The following PWWP2A variants were observed in gnomAD, a reference collection of about 807,000 sequenced individuals.
PWWP2A encodes PWWP domain containing 2A, also known as PWWP domain-containing protein 2A.
A neutral mutation model predicts 48.5 loss-of-function variants in PWWP2A; 18 were observed. The ratio of observed to expected loss-of-function variants is 0.37; its 90% CI spans 0.26 to 0.55. PWWP2A has a LOEUF of 0.55. Among genes scored for constraint, PWWP2A ranks in the 20% least tolerant of loss-of-function variants. The pLI is 0.81. For missense variants in PWWP2A, 867 were observed against 976.4 expected (o/e 0.89, Z 1.49); for synonymous variants, 396 against 387.7 (o/e 1.02, Z -0.25).
At chr5:160,100,211 G>C (rs1215968038) in intron 1 of PWWP2A, among the ~76,000 whole-genome samples, 1 of 152,104 alleles carries the variant, frequency 6.6e-6, no homozygotes, top group African/African-American at 2.4e-5. Flanking sequence ...TCAGGCAGGA[G>C]AACGGTTTAA....
At position 160,104,125 on chromosome 5, in the gene PWWP2A, A is replaced by C. The variant is rs867541277; in HGVS notation, c.585-10060T>G. On this transcript the variant is annotated intron_variant, in intron 1 of 1. Coordinates refer to ENST00000307063, the MANE Select transcript of PWWP2A (RefSeq NM_001130864.2). ...GCAACAGAGTGAGACTCTGTCTCAA[A>C]AAAAAAAAAAAAAAAGAAATGAAAA... Among the ~76,000 whole-genome samples the C allele has an allele frequency of 8.5e-3, 1,256 of 148,348 alleles. 17 individuals carry two copies. The highest frequency in any genetic ancestry group is 0.03 in the African/African-American group (1,198 of 39,778).
chr5:160,084,532 G>A (rs1178001643), intron 2 of PWWP2A, among the ~76,000 whole-genome samples: 3 of 152,092 alleles, frequency 2.0e-5, no homozygotes, highest in African/African-American at 7.2e-5. Context: ...AGGCTAAAGT[G>A]GTCCTCCCAC....
intron 2 of PWWP2A, among the ~76,000 whole-genome samples, chr5:160,084,448 A>C (rs1044822637): frequency 4.6e-5 from 7 of 152,092 alleles, no homozygotes; most frequent in African/African-American, 1.7e-4. Context: ...TTGTGTTTTG[A>C]GACAGGGTCT....
At chr5:160,065,163 C>G in intron 4 of PWWP2A, 1 of 1,512,150 alleles carries the variant, frequency 6.6e-7, no homozygotes, top group East Asian at 2.3e-5. Flanking sequence ...TTAAAAGCAT[C>G]TTATCTAAAA....
chr5:160,114,326 G>A (rs185425407), intron 1 of PWWP2A, among the ~76,000 whole-genome samples: 1 of 151,854 alleles, frequency 6.6e-6, no homozygotes, highest in East Asian at 1.9e-4. Flanking sequence ...GAGGTCAGGA[G>A]TTCAAGATGC....
chr5:160,112,535 TAAGTA>T (rs1757700799), intron 1 of PWWP2A, among the ~76,000 whole-genome samples: 1 of 152,062 alleles, frequency 6.6e-6, no homozygotes, highest in South Asian at 2.1e-4. Context: ...CATCCAGTGT[TAAGTA>T]AATACAATGC....
chr5:160,065,030 A>G (rs1753559772), intron 4 of PWWP2A: 1 of 1,612,982 alleles, frequency 6.2e-7, no homozygotes, highest in African/African-American at 1.3e-5. Flanking sequence ...CTCGTACTCC[A>G]TCAATTTCGT....
exon 4 of PWWP2A, chr5:160,076,444 C>T: frequency 6.6e-6 from 1 of 152,152 alleles, no homozygotes; most frequent in East Asian, 1.9e-4. Context: ...TAGAGTAGGG[C>T]ACCCCTATAG....
chr5:160,067,519 A>T (rs908183079), intron 2 of PWWP2A, among the ~76,000 whole-genome samples: 1 of 152,194 alleles, frequency 6.6e-6, no homozygotes, highest in African/African-American at 2.4e-5. Context: ...TGGTTAAGAG[A>T]AGATGCCCGA....
chr5:160,073,266 T>C (rs908630529), downstream of PWWP2A, among the ~76,000 whole-genome samples: 1 of 151,340 alleles, frequency 6.6e-6, no homozygotes, highest in African/African-American at 2.4e-5. Context: ...TCTCACTTTG[T>C]TGCCCAGGCT....
chr5:160,114,629 G>A (rs1007820041), intron 1 of PWWP2A, among the ~76,000 whole-genome samples: 2 of 151,866 alleles, frequency 1.3e-5, no homozygotes, highest in African/African-American at 4.8e-5. Context: ...CCAGCGTGGT[G>A]GAGCATGCCT....
chr5:160,073,391 G>T (rs1468538047), downstream of PWWP2A, among the ~76,000 whole-genome samples: 1 of 151,768 alleles, frequency 6.6e-6, no homozygotes, highest in African/African-American at 2.4e-5. Flanking sequence ...ACCACGCCCG[G>T]CTAATTTTTG....
chr5:160,066,315 T>TTTTTTTTTTTTTA (rs1753607904), intron 4 of PWWP2A, among the ~76,000 whole-genome samples: 3 of 147,876 alleles, frequency 2.0e-5, no homozygotes, highest in Admixed American at 6.8e-5. Flanking sequence ...TTTTTTTTTT[T>TTTTTTTTTTTTTA]GAGGGGGGTC....
chr5:160,113,607 T>C (rs979759750), intron 1 of PWWP2A, among the ~76,000 whole-genome samples: 1 of 152,210 alleles, frequency 6.6e-6, no homozygotes, highest in African/African-American at 2.4e-5. Flanking sequence ...GTTAATCTCA[T>C]TGGAGGCAAG....
At chr5:160,059,590 T>C (rs1314906286), downstream of PWWP2A, among the ~76,000 whole-genome samples, 1 of 152,224 alleles carries the variant, frequency 6.6e-6, no homozygotes, top group East Asian at 1.9e-4. Flanking sequence ...TACAGGATTA[T>C]TAATTGACCT....
chr5:160,091,009 G>T, downstream of PWWP2A: 5 of 985,108 alleles, frequency 5.1e-6, no homozygotes, highest in Non-Finnish European at 6.0e-6. Context: ...AGAAGAGACC[G>T]GTTGTAATTA....
chr5:160,070,557 G>A (rs1428926678), intron 2 of PWWP2A, among the ~76,000 whole-genome samples: 2 of 152,114 alleles, frequency 1.3e-5, no homozygotes, highest in Admixed American at 1.3e-4. Flanking sequence ...AGTTTGTTGT[G>A]GTTGTTTTTT....
At chr5:160,050,627 C>CTT in the PWWP2A span, among the ~76,000 whole-genome samples, 47 of 109,290 alleles carry the variant, frequency 4.3e-4, 1 homozygote, top group South Asian at 2.2e-3. Context: ...CCAAACAAAA[C>CTT]TTTTTTTTTT....
At chr5:160,097,850 G>C (rs554556641) in intron 1 of PWWP2A, among the ~76,000 whole-genome samples, 1 of 151,608 alleles carries the variant, frequency 6.6e-6, no homozygotes, top group South Asian at 2.1e-4. Flanking sequence ...TGAGCAGCTA[G>C]GATTACAGAC....
Sources: gnomAD v4.1 joint callset for allele counts (sites outside exome capture counted in the v4.1 genomes callset) on GRCh38, gnomAD v4.1.1 for gene constraint, MANE v1.5 for transcripts, NCBI Gene and HGNC (gene_info 2026-07-23, HGNC 2026-07-21) for gene names.